PTPRN2: variants seen among roughly 807,000 people sequenced by gnomAD.
PTPRN2 encodes receptor-type tyrosine-protein phosphatase N2.
PTPRN2 carries 74 observed loss-of-function variants against 118.8 expected under a neutral mutation model. That is an observed-to-expected ratio of 0.62 (90% CI 0.52 to 0.76). The LOEUF (loss-of-function observed/expected upper bound fraction) is 0.76. PTPRN2 is among the 30% of genes least tolerant of loss of function. PTPRN2 has a pLI of 0.00. For missense variants in PTPRN2, 1,481 were observed against 1,394.4 expected, an observed-to-expected ratio of 1.06 and a Z score of -0.99; for synonymous variants, 641 against 608.0, an observed-to-expected ratio of 1.05 and a Z score of -0.80.
At chr7:158,086,376 C>A (rs1168953493) in intron 10 of PTPRN2, among the ~76,000 whole-genome samples, 1 of 152,218 alleles carries the variant, frequency 6.6e-6, no homozygotes, top group Admixed American at 6.5e-5. Context: ...CCTCCTTAAA[C>A]CCCTCACTCA....
chr7:158,271,081 ACCCCCTCC>A (rs1798475979), intron 3 of PTPRN2, among the ~76,000 whole-genome samples: 1 of 51,958 alleles, frequency 1.9e-5, no homozygotes, highest in Non-Finnish European at 3.8e-5. Context: ...CACCTGGACG[ACCCCCTCC>A]ACCTGGGCTG....
intron 2 of PTPRN2, among the ~76,000 whole-genome samples, chr7:158,462,404 G>A (rs576936988): frequency 9.9e-5 from 15 of 152,174 alleles, no homozygotes; most frequent in African/African-American, 1.9e-4. Flanking sequence ...TACCACACCC[G>A]GCCTCTGTCA....
At position 158,246,408 on chromosome 7, in the gene PTPRN2, G is replaced by A. The variant is rs572479468; in HGVS notation, c.278-41135C>T. The stretch of plus-strand genomic sequence containing the variant: ...TCGAGACGCGTCTCTCTACCAAGAA[G>A]GAAGAAGACGGCTCTCACTGCCCCC... On this transcript the variant is annotated intron_variant, in intron 3 of 22. Coordinates refer to ENST00000389418, the MANE Select transcript of PTPRN2 (RefSeq NM_002847.5). Among the ~76,000 whole-genome samples the A allele has an allele frequency of 9.6e-4, 146 of 151,416 alleles. 1 individual carries two copies. The highest frequency in any genetic ancestry group is 3.3e-3 in the African/African-American group (135 of 41,178).
At chr7:157,855,891 T>G (rs1389800395) in intron 12 of PTPRN2, 1 of 152,270 alleles carries the variant, frequency 6.6e-6, no homozygotes, top group Non-Finnish European at 1.5e-5. Flanking sequence ...GGCACCATCA[T>G]TTTTTCTGAT....
At position 157,903,090 on chromosome 7, in the gene PTPRN2, T is replaced by C. The variant is rs1455895466; in HGVS notation, c.1724-4353A>G. Among the ~76,000 whole-genome samples the C allele has an allele frequency of 1.3e-5, 2 of 151,868 alleles. No homozygotes were observed. Among genetic ancestry groups the C allele is most frequent in the African/African-American group, 2.4e-5 (1 of 41,272 alleles). ...GAAAGCCACACGCTGCCACACACTC[T>C]CACACGGAAGCAGGAACCAGACATC... On this transcript the variant is annotated intron_variant, in intron 11 of 22. Coordinates refer to ENST00000389418, the MANE Select transcript of PTPRN2 (RefSeq NM_002847.5). This position sits in a 1 kb window ranked among gnomAD's most constrained non-coding sequence, Gnocchi z 4.2.
rs139058321 is a variant in PTPRN2 at position 157,601,760 on chromosome 7, G to A, written c.2418+2242C>T. On this transcript the variant is annotated intron_variant, in intron 16 of 22. Coordinates refer to ENST00000389418, the MANE Select transcript of PTPRN2 (RefSeq NM_002847.5). ...TGGAACCCATCGAGTGGGGGAGAGT[G>A]GGCCCAGCTGCAACGCTGAACTCTC... Among the ~76,000 whole-genome samples the A allele has an allele frequency of 3.2e-4, 49 of 152,352 alleles. 1 individual carries two copies. The highest frequency in any genetic ancestry group is 1.1e-3 in the African/African-American group (47 of 41,590).
intron 11 of PTPRN2, among the ~76,000 whole-genome samples, chr7:157,999,807 T>C (rs903787135): frequency 7.2e-5 from 11 of 152,208 alleles, no homozygotes; most frequent in African/African-American, 2.4e-4. Context: ...GGTTCGCAGC[T>C]CCGACATACC....
intron 1 of PTPRN2, among the ~76,000 whole-genome samples, chr7:158,497,964 G>A (rs192339773): frequency 5.1e-4 from 78 of 152,386 alleles, no homozygotes; most frequent in South Asian, 4.1e-4. Flanking sequence ...ATGAGTGACC[G>A]TGCCTTACTG....
At chr7:157,911,738 A>G (rs536209915) in intron 11 of PTPRN2, among the ~76,000 whole-genome samples, 2 of 152,324 alleles carry the variant, frequency 1.3e-5, no homozygotes, top group East Asian at 3.9e-4. Context: ...AATAACTTTC[A>G]TGAATTCTGG....
intron 14 of PTPRN2, among the ~76,000 whole-genome samples, chr7:157,645,831 G>A (rs1252180931): frequency 6.6e-6 from 1 of 152,200 alleles, no homozygotes; most frequent in Non-Finnish European, 1.5e-5. Flanking sequence ...TGGCTGTAAT[G>A]TCTTCATGAA....
At chr7:158,332,857 C>G (rs1586314871) in intron 2 of PTPRN2, among the ~76,000 whole-genome samples, 1 of 148,668 alleles carries the variant, frequency 6.7e-6, no homozygotes, top group East Asian at 1.9e-4. Flanking sequence ...AAACGTCACT[C>G]ACACCCACAC....
Position 157,763,970 on chromosome 7 carries a change from T to C in PTPRN2, c.1789-81033A>G, listed in dbSNP as rs938180557. On this transcript the variant is annotated intron_variant, in intron 12 of 22. Transcript: ENST00000389418. This position sits in a 1 kb window ranked among gnomAD's most constrained non-coding sequence, Gnocchi z 4.9. ...CACTCTCATGTTCGTTTGATCTTCA[T>C]GATGTCCGTGAACACAGGGAAGCTT... is the stretch of plus-strand genomic sequence containing the variant. Among the ~76,000 whole-genome samples the C allele has an allele frequency of 1.3e-5, 2 of 152,202 alleles. No homozygotes were observed. Among genetic ancestry groups the C allele is most frequent in the African/African-American group, 4.8e-5 (2 of 41,446 alleles).
chr7:158,414,441 A>AATCCC (rs1465920557), intron 2 of PTPRN2, among the ~76,000 whole-genome samples: 2 of 151,256 alleles, frequency 1.3e-5, no homozygotes, highest in Non-Finnish European at 2.9e-5. Flanking sequence ...CTTAAAATAG[A>AATCCC]ATCCCATCCC....
intron 12 of PTPRN2, among the ~76,000 whole-genome samples, chr7:157,687,733 TA>T (rs1315946719): frequency 6.6e-6 from 1 of 152,234 alleles, no homozygotes; most frequent in Non-Finnish European, 1.5e-5. Context: ...AAGGCATTAC[TA>T]AAATATAATA....
chr7:158,158,422 A>G (rs2150562709), intron 6 of PTPRN2, among the ~76,000 whole-genome samples: 1 of 152,384 alleles, frequency 6.6e-6, no homozygotes, highest in Admixed American at 6.5e-5. Context: ...CCTCAGGGTC[A>G]CGGAAGGCTC....
intron 11 of PTPRN2, among the ~76,000 whole-genome samples, chr7:157,919,887 C>T (rs182864920): frequency 1.8e-4 from 27 of 152,280 alleles, no homozygotes; most frequent in Admixed American, 1.2e-3. Flanking sequence ...TCACAGCCAT[C>T]GTAAAGCCAC....
intron 3 of PTPRN2, among the ~76,000 whole-genome samples, chr7:158,214,517 C>A (rs945405788): frequency 1.3e-5 from 2 of 151,916 alleles, no homozygotes; most frequent in Admixed American, 6.6e-5. Context: ...ACAGCTCTAC[C>A]CCAGCAAAAC....
intron 12 of PTPRN2, chr7:157,854,707 C>G (rs1251828008): frequency 1.3e-5 from 2 of 154,014 alleles, no homozygotes; most frequent in Admixed American, 1.3e-4. Context: ...GACCCCAGGA[C>G]CCTGCCTCGC....
intron 3 of PTPRN2, 56 bp downstream of exon 3, chr7:158,316,763 G>A (rs1317765565): frequency 1.5e-6 from 2 of 1,326,642 alleles, no homozygotes; most frequent in Admixed American, 2.3e-5. Flanking sequence ...GAGAAGCCAA[G>A]CCCGTGCGGT....
Sources: allele counts gnomAD v4.1 joint callset (sites outside exome capture counted in the v4.1 genomes callset), GRCh38; gene constraint gnomAD v4.1.1; non-coding constraint Gnocchi (gnomAD v3.1); transcripts MANE v1.5; gene names NCBI Gene and HGNC (gene_info 2026-07-23, HGNC 2026-07-21).